Variants in BICD1 observed in about 807,000 individuals in gnomAD.
BICD1 encodes BICD cargo adaptor 1, also known as protein bicaudal D homolog 1.
A neutral mutation model predicts 92.5 loss-of-function variants in BICD1; 35 were observed. That is an observed-to-expected ratio of 0.38 (90% CI 0.29 to 0.50). The LOEUF (loss-of-function observed/expected upper bound fraction) is 0.50. Ranked by LOEUF, BICD1 falls within the 20% of genes least tolerant of loss-of-function variation. The probability of loss-of-function intolerance (pLI) is 0.93; values close to 1 mark genes in which losing one functional copy is unlikely to be tolerated. For missense variants in BICD1, 950 were observed against 1,189.8 expected (o/e 0.80, Z 2.97); for synonymous variants, 429 against 465.1 (o/e 0.92, Z 1.00).
chr12:32,151,983 G>C (rs1943301695), intron 1 of BICD1, among the ~76,000 whole-genome samples: 1 of 152,122 alleles, frequency 6.6e-6, no homozygotes, highest in Non-Finnish European at 1.5e-5. Context: ...TTGAGACAGA[G>C]TCTCGCTGTG....
At chr12:32,310,685 A>T (rs553269666) in intron 4 of BICD1, among the ~76,000 whole-genome samples, 1 of 152,326 alleles carries the variant, frequency 6.6e-6, no homozygotes, top group South Asian at 2.1e-4. Context: ...GAAAATAAGT[A>T]AAAAACAAAC....
At chr12:32,180,022 A>T (rs1944227573) in intron 1 of BICD1, among the ~76,000 whole-genome samples, 1 of 150,730 alleles carries the variant, frequency 6.6e-6, no homozygotes, top group Non-Finnish European at 1.5e-5. Context: ...GCATGAGACT[A>T]AAGAGGATTT....
intron 1 of BICD1, among the ~76,000 whole-genome samples, chr12:32,123,276 G>A (rs1379200514): frequency 6.6e-6 from 1 of 152,118 alleles, no homozygotes; most frequent in Non-Finnish European, 1.5e-5. Flanking sequence ...AGACCAGAGG[G>A]GGCCACATGA....
intron 8 of BICD1, among the ~76,000 whole-genome samples, chr12:32,365,071 A>C (rs542782072): frequency 1.3e-5 from 2 of 152,220 alleles, no homozygotes; most frequent in Non-Finnish European, 1.5e-5. Flanking sequence ...CCCCGTCTCT[A>C]CTAAAAATAC....
At chr12:32,186,081 C>T (rs529443075) in intron 1 of BICD1, among the ~76,000 whole-genome samples, 1 of 152,196 alleles carries the variant, frequency 6.6e-6, no homozygotes, top group African/African-American at 2.4e-5. Flanking sequence ...CCAGGAGAAC[C>T]TCACCTGGCC....
chr12:32,268,858 A>G (rs1050633521), intron 2 of BICD1, among the ~76,000 whole-genome samples: 2 of 152,188 alleles, frequency 1.3e-5, no homozygotes, highest in African/African-American at 2.4e-5. Flanking sequence ...TTATTATTGT[A>G]TCTAATTTCT....
chr12:32,370,700 A>G (rs551872231), intron 9 of BICD1, among the ~76,000 whole-genome samples: 8 of 152,380 alleles, frequency 5.3e-5, no homozygotes, highest in African/African-American at 1.9e-4. Context: ...CTTCACTTGT[A>G]AAGTTCAGAT....
chr12:32,272,595 T>A (rs1182677875), intron 2 of BICD1, among the ~76,000 whole-genome samples: 1 of 152,084 alleles, frequency 6.6e-6, no homozygotes, highest in Non-Finnish European at 1.5e-5. Flanking sequence ...CCTGGGGAAT[T>A]TCTTCAGACT....
rs200836726 is a variant in BICD1, at chr12:32,216,036, T to C, written c.214-211T>C. On this transcript the variant is annotated intron_variant, in intron 1 of 9. Coordinates refer to ENST00000652176, the MANE Select transcript of BICD1 (RefSeq NM_001714.4). ...TTTCTTTAATGCATTACATCTTTTT[T>C]TCACAAGATATTTTAAAATTTTATT... Among the ~76,000 whole-genome samples the C allele has an allele frequency of 2.0e-5, 3 of 152,272 alleles. No homozygotes were observed. In the East Asian group the frequency reaches 5.8e-4, roughly 29 times the overall value.
At chr12:32,357,692 G>T (rs1939170043) in intron 8 of BICD1, among the ~76,000 whole-genome samples, 2 of 152,116 alleles carry the variant, frequency 1.3e-5, no homozygotes, top group Non-Finnish European at 2.9e-5. Flanking sequence ...ATTGCAGAAG[G>T]CCACCTTCTC....
At chr12:32,314,851 GC>G (rs1365097049) in intron 4 of BICD1, among the ~76,000 whole-genome samples, 1 of 151,914 alleles carries the variant, frequency 6.6e-6, no homozygotes, top group Non-Finnish European at 1.5e-5. Flanking sequence ...GCACACTGCA[GC>G]CTCAAACCCC....
intron 8 of BICD1, chr12:32,340,577 G>T: frequency 1.2e-6 from 1 of 835,892 alleles, no homozygotes; most frequent in Non-Finnish European, 1.4e-6. Flanking sequence ...ATCTCAATAA[G>T]GTTAAAAATT....
At position 32,313,825 on chromosome 12, in the gene BICD1, G is replaced by GA. The variant is rs1014487508; in HGVS notation, c.1005+7709dup. ...ACCCCATCTCTACCAAAAATACCCA[G>GA]AAAAAATTAGCTGGGCACGGTGGTG... is the stretch of plus-strand genomic sequence containing the variant. On this transcript the variant is annotated intron_variant, in intron 4 of 9. Coordinates refer to ENST00000652176, the MANE Select transcript of BICD1 (RefSeq NM_001714.4). This position sits in a 1 kb window ranked among gnomAD's most constrained non-coding sequence, Gnocchi z 4.2. 3.3e-5 allele frequency among the ~76,000 whole-genome samples: 5 copies of GA among 151,928 alleles called. No homozygotes were observed. Among genetic ancestry groups the GA allele is most frequent in the African/African-American group, 1.2e-4 (5 of 41,362 alleles).
chr12:32,232,273 T>C (rs1437059166), intron 2 of BICD1, among the ~76,000 whole-genome samples: 7 of 149,630 alleles, frequency 4.7e-5, no homozygotes, highest in African/African-American at 7.3e-5. Flanking sequence ...TTTTAATGAT[T>C]GCCATTCTAA....
At chr12:32,207,468 T>C (rs1258256761) in intron 1 of BICD1, among the ~76,000 whole-genome samples, 1 of 152,202 alleles carries the variant, frequency 6.6e-6, no homozygotes, top group Non-Finnish European at 1.5e-5. Flanking sequence ...TGATACTCGG[T>C]AGGCATGTAA....
Position 32,314,609 on chromosome 12 carries a change from G to A in BICD1, c.1005+8487G>A, listed in dbSNP as rs376529255. On this transcript the variant is annotated intron_variant, in intron 4 of 9. Transcript: ENST00000652176. ...GTGTATTCAGATTATTTTTTGACTG[G>A]GTTGTCTTTTTATTTCTGAGTTGAA... is the stretch of plus-strand genomic sequence containing the variant. 2.0e-5 allele frequency among the ~76,000 whole-genome samples: 3 copies of A among 151,956 alleles called. No homozygotes were observed. The South Asian group carries it at 6.2e-4, about 32-fold the overall frequency.
rs968152413 is a variant in BICD1 at position 32,229,929 on chromosome 12, A to T, written c.426+13470A>T. 3.3e-5 allele frequency among the ~76,000 whole-genome samples: 5 copies of T among 152,184 alleles called. No individual in the cohort carries two copies. In the South Asian group the frequency reaches 1.0e-3, roughly 31 times the overall value. ...ATTTCCTTGAGTAAAGGAGAAAAGGATGGAATCTAGTACAAAAATGGAGGG... is the reference window on the plus strand; with the variant it reads ...ATTTCCTTGAGTAAAGGAGAAAAGGTTGGAATCTAGTACAAAAATGGAGGG... On this transcript the variant is annotated intron_variant, in intron 2 of 9. Transcript: ENST00000652176.
At chr12:32,212,385 T>C (rs968740647) in intron 1 of BICD1, among the ~76,000 whole-genome samples, 3 of 152,234 alleles carry the variant, frequency 2.0e-5, no homozygotes. Context: ...AATCTTTTCA[T>C]AGATGATAGC....
At position 32,305,837 on chromosome 12, in the gene BICD1, T is replaced by C; in HGVS notation, c.720T>C (p.Asn240=). The C allele has an allele frequency of 3.7e-6, 6 of 1,614,078 alleles. No homozygotes were observed. Among genetic ancestry groups the C allele is most frequent in the African/African-American group, 1.3e-5 (1 of 75,014 alleles). Residue 240 remains asparagine, a synonymous_variant, in exon 4 of 10, where the codon AAT becomes AAC. Coordinates refer to ENST00000652176, the MANE Select transcript of BICD1 (RefSeq NM_001714.4). ...AAGAAGCCCTCGAGACTTTAAAAAA[T>C]GAAAGAGAGCAAAAGAACAACCTGC... ...QLEEALETLK[N]EREQKNNLRK... is the part of the protein sequence containing the mutation.
Sources: allele counts gnomAD v4.1 joint callset (sites outside exome capture counted in the v4.1 genomes callset), GRCh38; gene constraint gnomAD v4.1.1; non-coding constraint Gnocchi (gnomAD v3.1); transcripts MANE v1.5; gene names NCBI Gene and HGNC (gene_info 2026-07-23, HGNC 2026-07-21).